The following SPOCK3 variants were observed in gnomAD, a reference collection of about 807,000 sequenced individuals.
SPOCK3 encodes testican-3.
In SPOCK3, 30 loss-of-function variants were observed where a neutral mutation model predicts 56.6. That is an observed-to-expected ratio of 0.53 (90% confidence interval 0.40 to 0.72). SPOCK3 has a LOEUF of 0.72. SPOCK3 is among the 30% of genes least tolerant of loss of function. The pLI, the probability that SPOCK3 is intolerant of heterozygous loss-of-function variation, is 0.00. For synonymous variants in SPOCK3, 196 were observed against 183.3 expected, an observed-to-expected ratio of 1.07 and a Z score of -0.56; for missense variants, 527 against 530.0, an observed-to-expected ratio of 0.99 and a Z score of 0.06.
intron 6 of SPOCK3, among the ~76,000 whole-genome samples, chr4:166,829,258 T>C (rs1745792688): frequency 6.6e-6 from 1 of 152,056 alleles, no homozygotes; most frequent in African/African-American, 2.4e-5. Flanking sequence ...AACTGGAGAT[T>C]ACACTATGTA....
At chr4:166,970,943 G>A (rs1413939329) in intron 4 of SPOCK3, among the ~76,000 whole-genome samples, 1 of 152,050 alleles carries the variant, frequency 6.6e-6, no homozygotes, top group East Asian at 1.9e-4. Context: ...GCCTAGGCTG[G>A]CCTCAAACCC....
At chr4:166,806,817 C>A (rs1046851474) in intron 6 of SPOCK3, among the ~76,000 whole-genome samples, 2 of 151,820 alleles carry the variant, frequency 1.3e-5, no homozygotes, top group Admixed American at 6.6e-5. Context: ...TTTATTCATG[C>A]GAGATGTATT....
intron 2 of SPOCK3, among the ~76,000 whole-genome samples, chr4:167,231,579 C>A (rs987692421): frequency 6.6e-6 from 1 of 152,026 alleles, no homozygotes; most frequent in African/African-American, 2.4e-5. Flanking sequence ...TCAAGTAATG[C>A]CTTATCGCCA....
intron 6 of SPOCK3, among the ~76,000 whole-genome samples, chr4:166,830,728 G>T (rs528340825): frequency 1.1e-3 from 169 of 151,968 alleles, no homozygotes; most frequent in Middle Eastern, 3.4e-3. Context: ...GTAAGACTTT[G>T]TCTCCCTCCC....
intron 6 of SPOCK3, among the ~76,000 whole-genome samples, chr4:166,876,169 C>A (rs1290112511): frequency 1.3e-5 from 2 of 152,096 alleles, no homozygotes; most frequent in African/African-American, 4.8e-5. Context: ...TTTGTTATAG[C>A]CTAATTCAAT....
chr4:167,100,381 A>T (rs1162875359), intron 2 of SPOCK3, among the ~76,000 whole-genome samples: 1 of 150,218 alleles, frequency 6.7e-6, no homozygotes, highest in Non-Finnish European at 1.5e-5. Context: ...TATCTCTTCC[A>T]CTTTCCTTTC....
At chr4:167,016,616 T>C (rs1366590563) in intron 3 of SPOCK3, among the ~76,000 whole-genome samples, 8 of 151,776 alleles carry the variant, frequency 5.3e-5, no homozygotes, top group Admixed American at 6.6e-5. Flanking sequence ...TCTCAGCTCA[T>C]TGCAACATTT....
chr4:166,790,381 G>T (rs1260157599), intron 7 of SPOCK3, among the ~76,000 whole-genome samples: 1 of 152,176 alleles, frequency 6.6e-6, no homozygotes, highest in Non-Finnish European at 1.5e-5. Context: ...CACCCATAGG[G>T]TGCACAGATC....
intron 5 of SPOCK3, among the ~76,000 whole-genome samples, chr4:166,898,326 T>C (rs944475111): frequency 4.6e-5 from 7 of 152,108 alleles, no homozygotes; most frequent in Non-Finnish European, 8.8e-5. Context: ...ATCTTGACAA[T>C]GGGCTCAAGG....
At chr4:166,793,222 C>T (rs1259848174) in intron 6 of SPOCK3, among the ~76,000 whole-genome samples, 1 of 151,900 alleles carries the variant, frequency 6.6e-6, no homozygotes, top group Non-Finnish European at 1.5e-5. Flanking sequence ...AAAAATTATG[C>T]AATTATAGTA....
intron 4 of SPOCK3, among the ~76,000 whole-genome samples, chr4:166,983,733 A>G (rs539774247): frequency 6.6e-6 from 1 of 152,192 alleles, no homozygotes; most frequent in East Asian, 1.9e-4. Flanking sequence ...AAATATTCAA[A>G]TCATAGAGCC....
At chr4:166,812,750 C>G (rs150506376) in intron 6 of SPOCK3, among the ~76,000 whole-genome samples, 3 of 151,802 alleles carry the variant, frequency 2.0e-5, no homozygotes, top group African/African-American at 2.4e-5. Context: ...TTCACTGGGA[C>G]GAATTAAATT....
chr4:167,121,787 T>C (rs1761884203), intron 2 of SPOCK3, among the ~76,000 whole-genome samples: 1 of 152,160 alleles, frequency 6.6e-6, no homozygotes, highest in Admixed American at 6.6e-5. Flanking sequence ...TATAATTGCT[T>C]TGAACCTCCT....
intron 7 of SPOCK3, among the ~76,000 whole-genome samples, chr4:166,770,356 G>C (rs899668911): frequency 2.2e-4 from 34 of 152,118 alleles, no homozygotes; most frequent in Admixed American, 7.9e-4. Flanking sequence ...TTTTAAGAAT[G>C]TATGTGATTA....
At chr4:167,112,813 A>G (rs1243427922) in intron 2 of SPOCK3, among the ~76,000 whole-genome samples, 1 of 148,540 alleles carries the variant, frequency 6.7e-6, no homozygotes, top group Non-Finnish European at 1.5e-5. Flanking sequence ...CCTAAAATAT[A>G]TGCTCCAAGG....
intron 6 of SPOCK3, among the ~76,000 whole-genome samples, chr4:166,864,847 C>T (rs556483291): frequency 1.3e-5 from 2 of 152,204 alleles, no homozygotes; most frequent in South Asian, 2.1e-4. Context: ...CAAATTCTAC[C>T]AGAGGTACAA....
chr4:167,014,398 T>A (rs1750396956), intron 3 of SPOCK3, among the ~76,000 whole-genome samples: 1 of 151,832 alleles, frequency 6.6e-6, no homozygotes, highest in South Asian at 2.1e-4. Flanking sequence ...GCAATCCCAG[T>A]ATTTTGGGAG....
chr4:166,976,385 C>T (rs1239711656), intron 4 of SPOCK3, among the ~76,000 whole-genome samples: 2 of 152,090 alleles, frequency 1.3e-5, no homozygotes, highest in Non-Finnish European at 2.9e-5. Context: ...TTTGCATGGC[C>T]CTATGCTTGC....
At chr4:167,133,219 G>A (rs1194158343) in intron 2 of SPOCK3, among the ~76,000 whole-genome samples, 1 of 152,128 alleles carries the variant, frequency 6.6e-6, no homozygotes, top group African/African-American at 2.4e-5. Flanking sequence ...GATCATTTTA[G>A]GAGGAAGGCT....
Sources: allele counts gnomAD v4.1 joint callset (sites outside exome capture counted in the v4.1 genomes callset), GRCh38; gene constraint gnomAD v4.1.1; transcripts MANE v1.5; gene names NCBI Gene and HGNC (gene_info 2026-07-23, HGNC 2026-07-21).